CAMK2G: variants seen among roughly 807,000 people sequenced by gnomAD.
The protein encoded by CAMK2G is calcium/calmodulin-dependent protein kinase type II subunit gamma.
In CAMK2G, 23 loss-of-function variants were observed where a neutral mutation model predicts 88.7. That is an observed-to-expected ratio of 0.26 (90% CI 0.19 to 0.37). The LOEUF is 0.37. Ranked by LOEUF, CAMK2G falls within the 10% of genes least tolerant of loss-of-function variation. The pLI is 1.00. For synonymous variants in CAMK2G, 263 were observed against 294.8 expected (o/e 0.89, Z 1.11); for missense variants, 476 against 780.8 (o/e 0.61, Z 4.65).
rs1444468919 is a variant in CAMK2G at position 73,847,936 on chromosome 10, A to G, written c.696+52T>C. 5 of 928,082 alleles carry G rather than the reference A, an allele frequency of 5.4e-6. No homozygotes were observed. The African/African-American group carries it at 1.7e-4, about 32-fold the overall frequency. The allele number at this position is 928,082 out of a possible 1,614,324, so 57.5% of individuals were successfully genotyped here. A position where few individuals can be genotyped will look rare whatever the true frequency, so the allele number is the denominator to read the frequency against. ...CTGCTCCCTTGGACAGAGCCCGAGG[A>G]GCAAGGACATCTGCCCTTCCTGGCC... On this transcript the variant is annotated intron_variant, in intron 9 of 22. Coordinates refer to ENST00000423381, the MANE Select transcript of CAMK2G (RefSeq NM_001367534.1).
chr10:73,860,346 G>A (rs1012940598), intron 3 of CAMK2G, among the ~76,000 whole-genome samples: 2 of 152,168 alleles, frequency 1.3e-5, no homozygotes, highest in Non-Finnish European at 2.9e-5. Context: ...AGGCAGGGGG[G>A]CAGCTTGCTT....
intron 2 of CAMK2G, among the ~76,000 whole-genome samples, chr10:73,872,017 A>C (rs1473552941): frequency 6.6e-6 from 1 of 152,126 alleles, no homozygotes. Flanking sequence ...ATGGCATCCT[A>C]CTGCCCAGCC....
rs142032768 is a variant in CAMK2G at position 73,834,378 on chromosome 10, G to C, written c.1053+3090C>G. Reference sequence around the variant, plus strand: ...TGATATTGAAGCTCTTTTCTCAAAAGAATGTGGCATAAAACTCATTTACTG... The same window carrying C: ...TGATATTGAAGCTCTTTTCTCAAAACAATGTGGCATAAAACTCATTTACTG... On this transcript the variant is annotated intron_variant, in intron 14 of 22. Transcript: ENST00000423381. Among the ~76,000 whole-genome samples, 781 of 152,320 alleles carry C rather than the reference G, an allele frequency of 5.1e-3. 9 individuals are homozygous for C. Among genetic ancestry groups the C allele is most frequent in the African/African-American group, 0.018 (757 of 41,576 alleles).
chr10:73,836,831 T>C (rs1252182264), intron 14 of CAMK2G, among the ~76,000 whole-genome samples: 3 of 152,116 alleles, frequency 2.0e-5, no homozygotes, highest in African/African-American at 4.8e-5. Context: ...CAAGCAGCCA[T>C]TCCCAGCAGG....
intron 3 of CAMK2G, among the ~76,000 whole-genome samples, chr10:73,854,213 G>A (rs948936352): frequency 1.3e-5 from 2 of 152,186 alleles, no homozygotes; most frequent in African/African-American, 4.8e-5. Flanking sequence ...AAGCAGCATC[G>A]CAGACAGGTC....
chr10:73,838,750 G>A (rs1324846863), intron 13 of CAMK2G, among the ~76,000 whole-genome samples: 1 of 152,190 alleles, frequency 6.6e-6, no homozygotes, highest in Non-Finnish European at 1.5e-5. Context: ...CTGTCTAAGT[G>A]CTTTCCATTC....
chr10:73,862,581 A>T (rs2095429192), intron 2 of CAMK2G, among the ~76,000 whole-genome samples: 1 of 152,174 alleles, frequency 6.6e-6, no homozygotes, highest in African/African-American at 2.4e-5. Flanking sequence ...TAGCTCTATT[A>T]TATTACCGAG....
intron 2 of CAMK2G, among the ~76,000 whole-genome samples, chr10:73,862,109 A>C (rs2095404770): frequency 6.6e-6 from 1 of 152,174 alleles, no homozygotes; most frequent in African/African-American, 2.4e-5. Flanking sequence ...GCGTGGGTCA[A>C]TTCCTTCCAC....
intron 1 of CAMK2G, among the ~76,000 whole-genome samples, chr10:73,873,948 G>GC (rs2095967639): frequency 6.6e-6 from 1 of 150,658 alleles, no homozygotes; most frequent in Admixed American, 6.6e-5. Context: ...CGCGGGGGGC[G>GC]GGGCCGGGCG....
In CAMK2G at chr10:73,814,505, CCT is replaced by C. The variant is rs959500130; in HGVS notation, c.*13-2_*13-1del. 1 of 155,650 alleles carries C rather than the reference CCT, an allele frequency of 6.4e-6. No individual in the cohort carries two copies. Among genetic ancestry groups the C allele is most frequent in the African/African-American group, 2.4e-5 (1 of 41,452 alleles). 9.6% of individuals were successfully genotyped at this position (155,650 alleles called of 1,614,324 possible). A position where few individuals can be genotyped will look rare whatever the true frequency, so the allele number is the denominator to read the frequency against. The stretch of plus-strand genomic sequence containing the variant: ...CCTCCGGCTGGAATCTCCTAAAGCC[CCT>C]GTCAAACAGGACAGAATGTGGTAAC... On this transcript the variant is annotated splice_acceptor_variant, in intron 22 of 22. Coordinates refer to ENST00000423381, the MANE Select transcript of CAMK2G (RefSeq NM_001367534.1). LOFTEE classifies it low-confidence loss of function (3UTR_SPLICE).
intron 14 of CAMK2G, among the ~76,000 whole-genome samples, chr10:73,834,713 C>G (rs943543375): frequency 3.9e-5 from 6 of 152,228 alleles, no homozygotes; most frequent in African/African-American, 7.2e-5. Flanking sequence ...TGCCTCCCAG[C>G]CAAGGCCTCC....
chr10:73,840,201 C>A (rs915963837), intron 12 of CAMK2G, among the ~76,000 whole-genome samples: 6 of 151,294 alleles, frequency 4.0e-5, no homozygotes, highest in Non-Finnish European at 8.8e-5. Flanking sequence ...CCGAGAGAGG[C>A]AGCATTCTCA....
At chr10:73,849,981 A>G (rs1419329094) in intron 5 of CAMK2G, among the ~76,000 whole-genome samples, 1 of 152,196 alleles carries the variant, frequency 6.6e-6, no homozygotes, top group Non-Finnish European at 1.5e-5. Context: ...GCGTAGAGAA[A>G]AAAACCCAAA....
intron 2 of CAMK2G, among the ~76,000 whole-genome samples, chr10:73,865,079 T>A (rs1362241763): frequency 6.6e-6 from 1 of 152,230 alleles, no homozygotes; most frequent in African/African-American, 2.4e-5. Context: ...CAGGGTCTCC[T>A]GGGCTGGGCT....
At chr10:73,855,001 T>C (rs112187673) in intron 3 of CAMK2G, among the ~76,000 whole-genome samples, 2,802 of 152,274 alleles carry the variant, frequency 0.018, 84 homozygotes, top group African/African-American at 0.063. Context: ...TTGGATATAA[T>C]GTATATATCC....
At chr10:73,814,757 G>T in intron 22 of CAMK2G, 2 of 508,706 alleles carry the variant, frequency 3.9e-6, no homozygotes, top group Non-Finnish European at 7.1e-6. Flanking sequence ...TTCTTTGACA[G>T]CTAAGGAAAC....
At position 73,874,492 on chromosome 10, in the gene CAMK2G, C is replaced by T. The variant is rs776897846; in HGVS notation, c.-31G>A. The T allele has an allele frequency of 3.4e-5, 50 of 1,451,692 alleles. No homozygotes were observed. The South Asian group carries it at 6.3e-4, about 18-fold the overall frequency. 89.9% of individuals were successfully genotyped at this position (1,451,692 alleles called of 1,614,324 possible). ...CGGGCGGGCGGACGCGGCGGTGCAG[C>T]CCGCGCCGACGTCGGTGCACAGTCA... On this transcript the variant is annotated 5_prime_UTR_variant, in exon 1 of 23. Coordinates refer to ENST00000423381, the MANE Select transcript of CAMK2G (RefSeq NM_001367534.1).
chr10:73,858,018 C>G (rs2095167155), intron 3 of CAMK2G, among the ~76,000 whole-genome samples: 1 of 152,224 alleles, frequency 6.6e-6, no homozygotes, highest in Non-Finnish European at 1.5e-5. Context: ...CAACATCTCC[C>G]ACTAGAGTGG....
intron 2 of CAMK2G, among the ~76,000 whole-genome samples, chr10:73,862,696 A>G (rs1811064940): frequency 6.6e-6 from 1 of 152,220 alleles, no homozygotes; most frequent in Admixed American, 6.5e-5. Flanking sequence ...CTGTGCTATT[A>G]TGGCCAGATA....
Sources: allele counts gnomAD v4.1 joint callset (sites outside exome capture counted in the v4.1 genomes callset), GRCh38; gene constraint gnomAD v4.1.1; transcripts MANE v1.5; gene names NCBI Gene and HGNC (gene_info 2026-07-23, HGNC 2026-07-21).